GRID1: variants seen among roughly 807,000 people sequenced by gnomAD.
The protein encoded by GRID1 is glutamate receptor ionotropic, delta-1.
A neutral mutation model predicts 98.0 loss-of-function variants in GRID1; 28 were observed. That is an observed-to-expected ratio of 0.29 (90% CI 0.21 to 0.39). GRID1 has a LOEUF of 0.39. Among genes scored for constraint, GRID1 ranks in the 10% least tolerant of loss-of-function variants. The pLI, the probability that GRID1 is intolerant of heterozygous loss-of-function variation, is 1.00. For synonymous variants in GRID1, 553 were observed against 538.5 expected (o/e 1.03, Z -0.37); for missense variants, 1,111 against 1,340.5 (o/e 0.83, Z 2.67).
chr10:85,773,238 A>G (rs1842292030), intron 8 of GRID1, among the ~76,000 whole-genome samples: 1 of 152,184 alleles, frequency 6.6e-6, no homozygotes, highest in South Asian at 2.1e-4. Context: ...GATTATCTCA[A>G]TAGATGCAGA....
chr10:85,705,049 A>C (rs1206541461), intron 12 of GRID1, among the ~76,000 whole-genome samples: 1 of 152,232 alleles, frequency 6.6e-6, no homozygotes, highest in African/African-American at 2.4e-5. Flanking sequence ...CTAACATCAC[A>C]ATTAAAAGAA....
At chr10:86,346,153 T>A (rs1443831396) in intron 2 of GRID1, among the ~76,000 whole-genome samples, 1 of 152,174 alleles carries the variant, frequency 6.6e-6, no homozygotes. Context: ...ATGCAGAGTG[T>A]CCAGACACGC....
intron 2 of GRID1, among the ~76,000 whole-genome samples, chr10:86,358,722 C>A (rs1848564779): frequency 6.6e-6 from 1 of 151,868 alleles, no homozygotes; most frequent in Admixed American, 6.6e-5. Context: ...CATACCACTG[C>A]ACTCCAACCT....
At chr10:86,024,163 T>C (rs1843085845) in intron 4 of GRID1, among the ~76,000 whole-genome samples, 1 of 152,148 alleles carries the variant, frequency 6.6e-6, no homozygotes, top group African/African-American at 2.4e-5. Flanking sequence ...CGGGATGAGA[T>C]CATCCAGTTT....
intron 8 of GRID1, among the ~76,000 whole-genome samples, chr10:85,781,448 A>G (rs1842380273): frequency 6.6e-6 from 1 of 152,216 alleles, no homozygotes; most frequent in African/African-American, 2.4e-5. Flanking sequence ...TATGTTTCTG[A>G]CAAATGAATA....
chr10:86,127,152 T>C (rs1181840135), intron 4 of GRID1, among the ~76,000 whole-genome samples: 2 of 152,194 alleles, frequency 1.3e-5, no homozygotes, highest in African/African-American at 2.4e-5. Context: ...CACAGGGCAG[T>C]CTCCAACTGA....
intron 12 of GRID1, among the ~76,000 whole-genome samples, chr10:85,653,660 A>G (rs1036387157): frequency 1.3e-5 from 2 of 152,184 alleles, no homozygotes; most frequent in Admixed American, 1.3e-4. Context: ...TTAAAAGGTG[A>G]TTGGATCATG....
chr10:86,060,431 C>G (rs937269177), intron 4 of GRID1, among the ~76,000 whole-genome samples: 5 of 152,210 alleles, frequency 3.3e-5, no homozygotes, highest in African/African-American at 4.8e-5. Context: ...AACCCACCAG[C>G]CAGAGCACCC....
intron 8 of GRID1, among the ~76,000 whole-genome samples, chr10:85,758,985 C>T (rs1410282632): frequency 1.3e-5 from 2 of 152,222 alleles, no homozygotes; most frequent in African/African-American, 2.4e-5. Flanking sequence ...AATAATAGCA[C>T]TTGCCTTGTA....
At chr10:86,181,145 C>T (rs180759878) in intron 3 of GRID1, among the ~76,000 whole-genome samples, 2 of 152,302 alleles carry the variant, frequency 1.3e-5, no homozygotes, top group Admixed American at 6.5e-5. Context: ...GAGCAGGGCA[C>T]GTTCCCTGGT....
intron 5 of GRID1, among the ~76,000 whole-genome samples, chr10:85,872,324 C>T (rs1843286420): frequency 6.6e-6 from 1 of 152,142 alleles, no homozygotes; most frequent in East Asian, 1.9e-4. Flanking sequence ...GCCAGTACAC[C>T]TCCAAGAGGA....
chr10:86,352,386 C>T (rs1001122385), intron 2 of GRID1, among the ~76,000 whole-genome samples: 1 of 152,180 alleles, frequency 6.6e-6, no homozygotes, highest in Non-Finnish European at 1.5e-5. Context: ...AACAAAACAC[C>T]ATAGACAGGT....
At chr10:85,733,397 C>T (rs139121107) in intron 8 of GRID1, among the ~76,000 whole-genome samples, 91 of 152,314 alleles carry the variant, frequency 6.0e-4, no homozygotes, top group African/African-American at 2.1e-3. Context: ...TCCTCTCCAA[C>T]ATTAACTTCT....
chr10:85,732,808 A>G (rs558284234), intron 8 of GRID1, among the ~76,000 whole-genome samples: 35 of 152,332 alleles, frequency 2.3e-4, no homozygotes, highest in African/African-American at 8.2e-4. Context: ...GCCTAAAAGA[A>G]AAGCCTTCCT....
chr10:85,997,488 A>G lies in GRID1; in HGVS notation c.727-81249T>C, dbSNP rs57759575. On this transcript the variant is annotated intron_variant, in intron 4 of 15. Transcript: ENST00000327946. ...TGGCAAGATTTCTACACTGCACTTAAAGTGGCAAATTATTGATTCTCAGTA... is the reference window on the plus strand; with the variant it reads ...TGGCAAGATTTCTACACTGCACTTAGAGTGGCAAATTATTGATTCTCAGTA... Among the ~76,000 whole-genome samples, 785 of 152,318 alleles carry G rather than the reference A, an allele frequency of 5.2e-3. 8 individuals carry two copies. Among genetic ancestry groups the G allele is most frequent in the African/African-American group, 0.018 (754 of 41,580 alleles).
chr10:86,070,741 T>A (rs1843791884), intron 4 of GRID1, among the ~76,000 whole-genome samples: 2 of 152,324 alleles, frequency 1.3e-5, no homozygotes, highest in South Asian at 4.1e-4. Flanking sequence ...TGTTAAGTAG[T>A]CTTTCAACAA....
chr10:85,762,480 G>T (rs1564582517), intron 8 of GRID1, among the ~76,000 whole-genome samples: 1 of 152,080 alleles, frequency 6.6e-6, no homozygotes, highest in Non-Finnish European at 1.5e-5. Context: ...CCTGTCTGGG[G>T]GTGCCAGCTG....
At chr10:86,142,128 G>T (rs914485009) in intron 3 of GRID1, among the ~76,000 whole-genome samples, 7 of 152,202 alleles carry the variant, frequency 4.6e-5, no homozygotes, top group African/African-American at 1.7e-4. Flanking sequence ...GGACACATAG[G>T]GGAGAGTCAG....
intron 4 of GRID1, among the ~76,000 whole-genome samples, chr10:86,135,292 A>G (rs1442687716): frequency 6.6e-6 from 1 of 152,212 alleles, no homozygotes; most frequent in Non-Finnish European, 1.5e-5. Flanking sequence ...CAGTTAGGGT[A>G]TGATTGGAAA....
Sources: allele counts gnomAD v4.1 joint callset (sites outside exome capture counted in the v4.1 genomes callset), GRCh38; gene constraint gnomAD v4.1.1; transcripts MANE v1.5; gene names NCBI Gene and HGNC (gene_info 2026-07-23, HGNC 2026-07-21).